The following PLA2R1 variants were observed in gnomAD, a reference collection of about 807,000 sequenced individuals.
PLA2R1 encodes the protein phospholipase A2 receptor 1.
Under a neutral mutation model 195.9 loss-of-function variants are expected in PLA2R1, and 158 were observed. The ratio of observed to expected loss-of-function variants is 0.81; its 90% CI spans 0.71 to 0.92. The LOEUF is 0.92. Among genes scored for constraint, PLA2R1 ranks in the 40% least tolerant of loss-of-function variants. PLA2R1 has a pLI of 0.00. For missense variants in PLA2R1, 1,626 were observed against 1,764.6 expected, an observed-to-expected ratio of 0.92 and a Z score of 1.41; for synonymous variants, 586 against 598.2, an observed-to-expected ratio of 0.98 and a Z score of 0.30.
rs1686788824 is a variant in PLA2R1, at chr2:159,935,764, A to C, written c.*6014T>G. 6.6e-6 allele frequency: 1 copy of C among 152,062 alleles called. No homozygotes were observed. Among genetic ancestry groups the C allele is most frequent in the African/African-American group, 2.4e-5 (1 of 41,410 alleles). The allele number at this position is 152,062 out of a possible 1,614,324, so 9.4% of individuals were successfully genotyped here. A position where few individuals can be genotyped will look rare whatever the true frequency, so the allele number is the denominator to read the frequency against. On this transcript the variant is annotated 3_prime_UTR_variant, in exon 30 of 30. Transcript: ENST00000283243. ...ACTACAACAATTTGAATTCTATCAT[A>C]ATCTATTTAAAAATAGAAATAACCT...
At chr2:159,949,809 C>A in intron 24 of PLA2R1, 33 bp from the exon 25 acceptor site, 3 of 1,587,316 alleles carry the variant, frequency 1.9e-6, no homozygotes, top group Non-Finnish European at 2.6e-6. Flanking sequence ...CATTTCCTTG[C>A]CACGACGGCT....
chr2:159,987,087 T>G (rs910671052), intron 12 of PLA2R1, 69 bp downstream of exon 12: 1 of 1,240,922 alleles, frequency 8.1e-7, no homozygotes, highest in Admixed American at 1.8e-5. Flanking sequence ...ATAAAGGAAT[T>G]TGGGATACAT....
rs967112464 is a variant in PLA2R1 at position 159,946,665 on chromosome 2, A to G, written c.3967+136T>C. 7 of 1,408,544 alleles carry G rather than the reference A, an allele frequency of 5.0e-6. No individual in the cohort carries two copies. In the Admixed American group the frequency reaches 2.1e-4, roughly 42 times the overall value. The allele number at this position is 1,408,544 out of a possible 1,614,324, so 87.3% of individuals were successfully genotyped here. ...AGGGTTGCAATGTTGTTTTTGGAAG[A>G]AATGGCTTTAGGCTTCATGCTATTT... On this transcript the variant is annotated intron_variant, in intron 27 of 29. Transcript: ENST00000283243.
intron 3 of PLA2R1, among the ~76,000 whole-genome samples, chr2:160,039,189 C>T (rs961078008): frequency 1.3e-5 from 2 of 152,022 alleles, no homozygotes; most frequent in Non-Finnish European, 2.9e-5. Flanking sequence ...TTATATCACT[C>T]GAGCAACTGA....
intron 11 of PLA2R1, among the ~76,000 whole-genome samples, chr2:159,988,977 C>T (rs1690558080): frequency 6.6e-6 from 1 of 152,186 alleles, no homozygotes; most frequent in African/African-American, 2.4e-5. Context: ...GCACCAGCAT[C>T]GCCATGGCAA....
chr2:160,024,413 T>C (rs1245317568), intron 6 of PLA2R1, among the ~76,000 whole-genome samples: 1 of 152,096 alleles, frequency 6.6e-6, no homozygotes. Flanking sequence ...TCACCCTGCC[T>C]CCAAAGAAAT....
chr2:160,048,493 G>A (rs1271392334), intron 1 of PLA2R1, among the ~76,000 whole-genome samples: 1 of 152,114 alleles, frequency 6.6e-6, no homozygotes, highest in Non-Finnish European at 1.5e-5. Flanking sequence ...TAAATTCACT[G>A]AAAAGAATTA....
chr2:160,051,560 G>A (rs1559018111), intron 1 of PLA2R1, among the ~76,000 whole-genome samples: 1 of 152,238 alleles, frequency 6.6e-6, no homozygotes, highest in Admixed American at 6.5e-5. Flanking sequence ...ACCTTTTCCA[G>A]CTTCACAAAT....
chr2:159,979,331 C>CT lies in PLA2R1; in HGVS notation c.2268+498dup, dbSNP rs796311958. 1.3e-4 allele frequency among the ~76,000 whole-genome samples: 19 copies of CT among 151,598 alleles called. 1 individual carries two copies. The highest frequency in any genetic ancestry group is 3.6e-4 in the African/African-American group (15 of 41,362). On this transcript the variant is annotated intron_variant, in intron 14 of 29. Coordinates refer to ENST00000283243, the MANE Select transcript of PLA2R1 (RefSeq NM_007366.5). ...GTATGGGAATGAATGAAAACCAAGA[C>CT]TTTTTTTTTCCTTCTGGAATAACTT...
chr2:159,974,666 G>A (rs780620742), intron 17 of PLA2R1, among the ~76,000 whole-genome samples: 5 of 152,116 alleles, frequency 3.3e-5, no homozygotes, highest in African/African-American at 4.8e-5. Flanking sequence ...TGTTCCATTC[G>A]TAAGAGTGGA....
Position 159,967,530 on chromosome 2 carries a change from C to T in PLA2R1, c.2904+9G>A. 1 of 1,608,850 alleles carries T rather than the reference C, an allele frequency of 6.2e-7. No homozygotes were observed. The highest frequency in any genetic ancestry group is 8.5e-7 in the Non-Finnish European group (1 of 1,178,024). On this transcript the variant is annotated intron_variant, in intron 20 of 29. Coordinates refer to ENST00000283243, the MANE Select transcript of PLA2R1 (RefSeq NM_007366.5). Reference sequence around the variant, plus strand: ...AGAAACAAAGGCAACTTTTGAAAAACAAGCTTACCTTATAGTTAAAATATA... The same window carrying T: ...AGAAACAAAGGCAACTTTTGAAAAATAAGCTTACCTTATAGTTAAAATATA...
intron 8 of PLA2R1, among the ~76,000 whole-genome samples, chr2:160,017,699 A>T (rs1165707557): frequency 6.6e-6 from 1 of 152,204 alleles, no homozygotes; most frequent in East Asian, 1.9e-4. Flanking sequence ...ACATATTAAA[A>T]TTTTATCCTC....
chr2:160,044,795 T>A lies in PLA2R1; in HGVS notation c.472A>T (p.Ile158Phe). 6.2e-7 allele frequency: 1 copy of A among 1,612,084 alleles called. No individual in the cohort carries two copies. The highest frequency in any genetic ancestry group is 2.2e-5 in the East Asian group (1 of 44,842). Reference protein sequence around the residue: ...WISYGSGGGDICEYLHKDLHT... With the variant: ...WISYGSGGGDFCEYLHKDLHT... ...TTACCTTTGTGTAGATATTCACAAA[T>A]GTCTCCACCACCTGACCCATAAGAA... Residue 158 changes from isoleucine to phenylalanine, a missense_variant, in exon 2 of 30, where the codon ATT becomes TTT. Transcript: ENST00000283243.
intron 11 of PLA2R1, among the ~76,000 whole-genome samples, chr2:159,991,422 T>G (rs1469072911): frequency 6.7e-6 from 1 of 149,574 alleles, no homozygotes; most frequent in Non-Finnish European, 1.5e-5. Flanking sequence ...AGGCTGAAAG[T>G]GCAGGGCACT....
At chr2:159,945,678 T>C in intron 27 of PLA2R1, 10 of 429,114 alleles carry the variant, frequency 2.3e-5, no homozygotes, top group Non-Finnish European at 3.1e-5. Context: ...TGTGTCTTTA[T>C]AGCAGCATGA....
chr2:160,014,308 G>C (rs1573897337), intron 9 of PLA2R1, among the ~76,000 whole-genome samples: 1 of 143,500 alleles, frequency 7.0e-6, no homozygotes, highest in Non-Finnish European at 1.5e-5. Context: ...AGTAAGCTTT[G>C]GCACTCAGAC....
Position 160,005,705 on chromosome 2 carries a change from A to C in PLA2R1, c.1781T>G (p.Val594Gly). 1 of 1,614,010 alleles carries C rather than the reference A, an allele frequency of 6.2e-7. No homozygotes were observed. The highest frequency in any genetic ancestry group is 8.5e-7 in the Non-Finnish European group (1 of 1,179,924). Residue 594 changes from valine to glycine, a missense_variant, in exon 11 of 30, where the codon GTA (valine) becomes GGA (glycine). Val to Gly is a moderately radical substitution (Grantham distance 109). Transcript: ENST00000283243. Reference sequence around the variant, plus strand: ...CTGCACCGGCTCGGGTTTCTGCCCTACTGGCTTCCAAGTGTATTCTCCCGT... The same window carrying C: ...CTGCACCGGCTCGGGTTTCTGCCCTCCTGGCTTCCAAGTGTATTCTCCCGT... The part of the protein sequence containing the change: ...NDTGEYTWKP[V>G]GQKPEPVQYT...
rs116323852 is a variant in PLA2R1 at position 160,047,655 on chromosome 2, C to G, written c.110-2498G>C. ...TGTGCAATGATGAATTAAGAGCCTT[C>G]ATCTGTTGATTTTCTGCATTACCCA... On this transcript the variant is annotated intron_variant, in intron 1 of 29. Transcript: ENST00000283243. 4.2e-3 allele frequency among the ~76,000 whole-genome samples: 642 copies of G among 152,328 alleles called. 4 individuals are homozygous for G. The highest frequency in any genetic ancestry group is 0.015 in the African/African-American group (625 of 41,568).
At chr2:160,033,234 T>A in intron 3 of PLA2R1, 102 bp from the exon 4 acceptor site, 1 of 882,148 alleles carries the variant, frequency 1.1e-6, no homozygotes, top group Non-Finnish European at 1.7e-6. Context: ...TTGCAATCTC[T>A]AAAACTTCAG....
Sources: allele counts gnomAD v4.1 joint callset (sites outside exome capture counted in the v4.1 genomes callset), GRCh38; gene constraint gnomAD v4.1.1; transcripts MANE v1.5; gene names NCBI Gene and HGNC (gene_info 2026-07-23, HGNC 2026-07-21).